Variants in RGS16 observed in about 807,000 individuals in gnomAD.
The protein encoded by RGS16 is hRGS-r.
RGS16 carries 12 observed loss-of-function variants against 18.1 expected under a neutral mutation model. That is an observed-to-expected ratio of 0.66 (90% confidence interval 0.42 to 1.07). The LOEUF (loss-of-function observed/expected upper bound fraction) is 1.07. RGS16 is among the 50% of genes least tolerant of loss of function. The pLI, the probability that RGS16 is intolerant of heterozygous loss-of-function variation, is 0.00. For synonymous variants in RGS16, 88 were observed against 102.0 expected (o/e 0.86, Z 0.83); for missense variants, 238 against 249.2 (o/e 0.95, Z 0.30).
chr1:182,600,381 A>G lies in RGS16; in HGVS notation c.520T>C (p.Ser174Pro), dbSNP rs1661841940. ...GCAGCCAGGTCCCGGTAAGCAGGCG[A>G]CTTCAGGAAGCGTGGGTAGGAGTCC... is the stretch of plus-strand genomic sequence containing the variant. ...EKDSYPRFLK[S>P]PAYRDLAAQA... is the part of the protein sequence containing the mutation. The change falls in exon 5 of 5, where the codon TCG becomes CCG. Residue 174 changes from serine to proline, a missense_variant. Physicochemically the swap from Ser to Pro is moderately conservative, Grantham distance 74. Coordinates refer to ENST00000367558, the MANE Select transcript of RGS16 (RefSeq NM_002928.4). The G allele has an allele frequency of 1.9e-6, 3 of 1,613,830 alleles. No individual in the cohort carries two copies. Among genetic ancestry groups the G allele is most frequent in the Non-Finnish European group, 2.5e-6 (3 of 1,179,960 alleles).
rs1405221536 is a variant in RGS16 at position 182,599,988 on chromosome 1, A to G, written c.*304T>C. 5 of 423,464 alleles carry G rather than the reference A, an allele frequency of 1.2e-5. No homozygotes were observed. Among genetic ancestry groups the G allele is most frequent in the Non-Finnish European group, 2.1e-5 (5 of 234,248 alleles). The allele number at this position is 423,464 out of a possible 1,614,324, so 26.2% of individuals were successfully genotyped here. ...AACACTTCCTTCTCCGGTGAGAACG[A>G]GAGCCAGTGCTAACCCCCATACCAC... On this transcript the variant is annotated 3_prime_UTR_variant, in exon 5 of 5. Coordinates refer to ENST00000367558, the MANE Select transcript of RGS16 (RefSeq NM_002928.4).
Position 182,603,260 on chromosome 1 carries a change from A to G in RGS16, c.124T>C (p.Phe42Leu). The G allele has an allele frequency of 6.2e-7, 1 of 1,614,038 alleles. No individual in the cohort carries two copies. The highest frequency in any genetic ancestry group is 8.5e-7 in the Non-Finnish European group (1 of 1,179,940). ...LGCDTGSTGK[F>L]EWGSKHSKEN... ...TTGCTGTGTTTACTGCCCCACTCGA[A>G]CTTGCCAGTACTCCCAGTATCGCAG... The change falls in exon 2 of 5, where the codon TTC (phenylalanine) becomes CTC (leucine). Residue 42 changes from phenylalanine to leucine, a missense_variant. Coordinates refer to ENST00000367558, the MANE Select transcript of RGS16 (RefSeq NM_002928.4).
At position 182,604,372 on chromosome 1, in the gene RGS16, G is replaced by T. The variant is rs1357000252; in HGVS notation, c.-113C>A. 2.8e-6 allele frequency: 3 copies of T among 1,078,192 alleles called. No individual in the cohort carries two copies. The highest frequency in any genetic ancestry group is 3.9e-6 in the Non-Finnish European group (3 of 768,756). 66.8% of individuals were successfully genotyped at this position (1,078,192 alleles called of 1,614,324 possible). A position where few individuals can be genotyped will look rare whatever the true frequency, so the allele number is the denominator to read the frequency against. On this transcript the variant is annotated 5_prime_UTR_variant, in exon 1 of 5. Coordinates refer to ENST00000367558, the MANE Select transcript of RGS16 (RefSeq NM_002928.4). ...GCAGGTGCTAGTCAACTGCGGTTGG[G>T]TTTAGCAGCCTGCAAGCGCCCAGAC... is the stretch of plus-strand genomic sequence containing the variant.
At chr1:182,602,207 T>C in intron 3 of RGS16, 75 bp from the exon 4 acceptor site, 1 of 1,477,792 alleles carries the variant, frequency 6.8e-7, no homozygotes, top group Non-Finnish European at 9.4e-7. Flanking sequence ...AGGAAAGCAA[T>C]TGCAATTAAT....
In RGS16 at chr1:182,601,932, C is replaced by T. The variant is rs188218774; in HGVS notation, c.387+34G>A. ...TCAGAGGGGAAGGAGCAGGCAGGGT[C>T]GTGAGGATTCACTGGGCATATGGGG... On this transcript the variant is annotated intron_variant, in intron 4 of 4. Transcript: ENST00000367558. The T allele has an allele frequency of 7.6e-4, 1,231 of 1,612,790 alleles. 5 individuals are homozygous for T. The highest frequency in any genetic ancestry group is 3.8e-4 in the Non-Finnish European group (443 of 1,178,900).
intron 4 of RGS16, among the ~76,000 whole-genome samples, chr1:182,601,022 C>A (rs1368115203): frequency 1.3e-5 from 2 of 152,260 alleles, no homozygotes; most frequent in African/African-American, 4.8e-5. Context: ...CCTCCTCATG[C>A]CTGACCTCAT....
At position 182,602,046 on chromosome 1, in the gene RGS16, T is replaced by G. The variant is rs1310370069; in HGVS notation, c.307A>C (p.Lys103Gln). ...GCCAGCTTGGTAGCTGATCGGATCT[T>G]CTTGAACTCCTCACAGGCCAGCCAG... The part of the protein sequence containing the change: ...EFWLACEEFK[K>Q]IRSATKLASR... The change falls in exon 4 of 5, where the codon AAG becomes CAG. Residue 103 changes from lysine to glutamine, a missense_variant. Coordinates refer to ENST00000367558, the MANE Select transcript of RGS16 (RefSeq NM_002928.4). The G allele has an allele frequency of 1.9e-6, 3 of 1,614,040 alleles. No individual in the cohort carries two copies. The highest frequency in any genetic ancestry group is 2.5e-6 in the Non-Finnish European group (3 of 1,180,028).
Position 182,600,179 on chromosome 1 carries a change from T to TTC in RGS16, c.*112_*113insGA. ...GCATTTTTTTTTTTTTTTTTTTTTT[T>TTC]TTTGTCCTCTTGCACTTGCTTTGCA... On this transcript the variant is annotated 3_prime_UTR_variant, in exon 5 of 5. Transcript: ENST00000367558. The TTC allele has an allele frequency of 3.8e-6, 2 of 527,272 alleles. No individual in the cohort carries two copies. The highest frequency in any genetic ancestry group is 2.7e-5 in the South Asian group (1 of 36,658). The allele number at this position is 527,272 out of a possible 1,614,324, so 32.7% of individuals were successfully genotyped here.
rs1661897332 is a variant in RGS16 at position 182,603,269 on chromosome 1, T to C, written c.115A>G (p.Thr39Ala). 6.2e-7 allele frequency: 1 copy of C among 1,614,054 alleles called. No homozygotes were observed. The highest frequency in any genetic ancestry group is 1.7e-5 in the Admixed American group (1 of 60,012). Residue 39 changes from threonine (T) to alanine (A), a missense_variant, in exon 2 of 5, where the codon ACT (threonine) becomes GCT (alanine). Physicochemically the swap from Thr to Ala is moderately conservative, Grantham distance 58. Coordinates refer to ENST00000367558, the MANE Select transcript of RGS16 (RefSeq NM_002928.4). Reference protein sequence around the residue: ...KSELGCDTGSTGKFEWGSKHS... With the variant: ...KSELGCDTGSAGKFEWGSKHS... ...TTACTGCCCCACTCGAACTTGCCAGTACTCCCAGTATCGCAGCCCAGCTCT... is the reference window on the plus strand; with the variant it reads ...TTACTGCCCCACTCGAACTTGCCAGCACTCCCAGTATCGCAGCCCAGCTCT...
At chr1:182,601,055 C>G (rs1299417641) in intron 4 of RGS16, among the ~76,000 whole-genome samples, 1 of 152,256 alleles carries the variant, frequency 6.6e-6, no homozygotes, top group Non-Finnish European at 1.5e-5. Flanking sequence ...CCCTGCTCTA[C>G]ACAGGTCCAT....
intron 3 of RGS16, 42 bp downstream of exon 3, chr1:182,602,378 A>C: frequency 1.3e-6 from 2 of 1,549,212 alleles, no homozygotes; most frequent in Non-Finnish European, 1.8e-6. Flanking sequence ...ACATGAGTAC[A>C]CATGTGCCAC....
rs761420027 is a variant in RGS16 at position 182,603,264 on chromosome 1, G to A, written c.120C>T (p.Gly40=). Residue 40 remains glycine (G), a synonymous_variant, in exon 2 of 5, where the codon GGC becomes GGT. Transcript: ENST00000367558. ...TGTGTTTACTGCCCCACTCGAACTTGCCAGTACTCCCAGTATCGCAGCCCA... is the reference window on the plus strand; with the variant it reads ...TGTGTTTACTGCCCCACTCGAACTTACCAGTACTCCCAGTATCGCAGCCCA... ...SELGCDTGST[G]KFEWGSKHSK... The A allele has an allele frequency of 1.2e-6, 2 of 1,613,824 alleles. No individual in the cohort carries two copies. The highest frequency in any genetic ancestry group is 2.7e-5 in the African/African-American group (2 of 74,880).
At chr1:182,602,369 C>T in intron 3 of RGS16, 51 bp downstream of exon 3, 1 of 1,521,192 alleles carries the variant, frequency 6.6e-7, no homozygotes. Context: ...CTCCAAAGCA[C>T]ATGAGTACAC....
At chr1:182,601,132 T>C (rs1661856621) in intron 4 of RGS16, among the ~76,000 whole-genome samples, 1 of 152,248 alleles carries the variant, frequency 6.6e-6, no homozygotes, top group South Asian at 2.1e-4. Context: ...TGTTGGAATG[T>C]TCTTCCCTCC....
rs6660826 is a variant in RGS16 at position 182,600,098 on chromosome 1, T to C, written c.*194A>G. The stretch of plus-strand genomic sequence containing the variant: ...GGAAGTGGGCGGCTCCTCTCCAGCA[T>C]GAGTCCCACAGTATCTGAAGGAGAG... On this transcript the variant is annotated 3_prime_UTR_variant, in exon 5 of 5. Transcript: ENST00000367558. The C allele has an allele frequency of 3.4e-3, 2,041 of 593,924 alleles. 35 individuals are homozygous for C. The highest frequency in any genetic ancestry group is 0.033 in the African/African-American group (1,731 of 53,034). 36.8% of individuals were successfully genotyped at this position (593,924 alleles called of 1,614,324 possible). A position where few individuals can be genotyped will look rare whatever the true frequency, so the allele number is the denominator to read the frequency against.
chr1:182,602,297 C>CATTATT, intron 3 of RGS16, 123 bp downstream of exon 3: 1 of 1,071,156 alleles, frequency 9.3e-7, no homozygotes, highest in Non-Finnish European at 1.4e-6. Context: ...ACTAGGGGAT[C>CATTATT]ATTATTATTA....
chr1:182,603,185 A>ACTCCCTTCCCT, intron 2 of RGS16, 44 bp downstream of exon 2: 2 of 1,406,174 alleles, frequency 1.4e-6, no homozygotes, highest in Non-Finnish European at 2.0e-6. Context: ...CTCCCTTCCC[A>ACTCCCTTCCCT]CTCCCTTCCC....
chr1:182,600,048 T>G lies in RGS16; in HGVS notation c.*244A>C. The G allele has an allele frequency of 1.8e-6, 1 of 548,900 alleles. No homozygotes were observed. The highest frequency in any genetic ancestry group is 3.2e-5 in the East Asian group (1 of 31,418). The allele number at this position is 548,900 out of a possible 1,614,324, so 34.0% of individuals were successfully genotyped here. ...CCACAGAGAGCCCCACCAACCCTCA[T>G]CATTAGCCCTTATTCACAGGTCCTG... On this transcript the variant is annotated 3_prime_UTR_variant, in exon 5 of 5. Coordinates refer to ENST00000367558, the MANE Select transcript of RGS16 (RefSeq NM_002928.4).
chr1:182,603,648 G>T (rs753800020), intron 1 of RGS16, among the ~76,000 whole-genome samples: 4 of 152,140 alleles, frequency 2.6e-5, no homozygotes, highest in Non-Finnish European at 5.9e-5. Flanking sequence ...ATTCAGAAAA[G>T]AACTCAGCAT....
Sources: gnomAD v4.1 joint callset for allele counts (sites outside exome capture counted in the v4.1 genomes callset) on GRCh38, gnomAD v4.1.1 for gene constraint, MANE v1.5 for transcripts, NCBI Gene and HGNC (gene_info 2026-07-23, HGNC 2026-07-21) for gene names.